Variants in ARK2C observed in about 807,000 individuals in gnomAD.
ARK2C encodes the protein arkadia (RNF111) C-terminal like ring finger ubiquitin ligase 2C.
the ARK2C span, among the ~76,000 whole-genome samples, chr18:46,356,608 AAC>A: frequency 7.2e-4 from 110 of 152,248 alleles, no homozygotes; most frequent in East Asian, 1.2e-3. Flanking sequence ...ACTCACTCTG[AAC>A]ACACAGAAGG....
the ARK2C span, among the ~76,000 whole-genome samples, chr18:46,363,458 C>A: frequency 6.6e-6 from 1 of 152,240 alleles, no homozygotes; most frequent in East Asian, 1.9e-4. Flanking sequence ...GAGACAGTGC[C>A]CGTTCCTGGC....
chr18:46,460,246 C>G, the ARK2C span: 7 of 152,712 alleles, frequency 4.6e-5, no homozygotes, highest in Admixed American at 4.6e-4. Flanking sequence ...CTAAGCCCCC[C>G]GCCTGTAGGC....
chr18:46,384,735 G>A, the ARK2C span, among the ~76,000 whole-genome samples: 6,252 of 152,242 alleles, frequency 0.041, 418 homozygotes, highest in African/African-American at 0.14. Context: ...GGCCCATCAT[G>A]GCCAAGCACA....
At chr18:46,415,355 C>T in the ARK2C span, among the ~76,000 whole-genome samples, 1 of 152,040 alleles carries the variant, frequency 6.6e-6, no homozygotes, top group Non-Finnish European at 1.5e-5. Flanking sequence ...CCCATCTCTA[C>T]TAAAAATACA....
At chr18:46,422,136 G>GCA in the ARK2C span, among the ~76,000 whole-genome samples, 1 of 152,190 alleles carries the variant, frequency 6.6e-6, no homozygotes, top group African/African-American at 2.4e-5. Context: ...TTGAAGCTGG[G>GCA]TTCTGGGCAG....
the ARK2C span, among the ~76,000 whole-genome samples, chr18:46,355,139 G>T: frequency 2.0e-5 from 3 of 151,874 alleles, no homozygotes; most frequent in African/African-American, 7.3e-5. Context: ...TTTTAGTAGA[G>T]ACAGGGTTTC....
chr18:46,376,952 G>A, the ARK2C span, among the ~76,000 whole-genome samples: 2 of 152,186 alleles, frequency 1.3e-5, no homozygotes, highest in South Asian at 2.1e-4. Context: ...ACAGGCGTAA[G>A]CCACAGGGCC....
the ARK2C span, among the ~76,000 whole-genome samples, chr18:46,382,216 C>T: frequency 6.6e-6 from 1 of 152,214 alleles, no homozygotes; most frequent in African/African-American, 2.4e-5. Context: ...TCATCTTCCC[C>T]TCCTGCTGAG....
At chr18:46,373,877 C>T in the ARK2C span, among the ~76,000 whole-genome samples, 2 of 152,208 alleles carry the variant, frequency 1.3e-5, no homozygotes, top group African/African-American at 4.8e-5. Flanking sequence ...CCCCCGGTCC[C>T]AGACCCTGTG....
the ARK2C span, among the ~76,000 whole-genome samples, chr18:46,392,670 C>T: frequency 6.6e-6 from 1 of 152,128 alleles, no homozygotes; most frequent in Non-Finnish European, 1.5e-5. Flanking sequence ...GGGCCAGCCT[C>T]GGGCTGAGGG....
the ARK2C span, among the ~76,000 whole-genome samples, chr18:46,346,984 G>A: frequency 6.6e-6 from 1 of 152,214 alleles, no homozygotes; most frequent in Non-Finnish European, 1.5e-5. Flanking sequence ...GTGGAGAATG[G>A]GCAACAAGAA....
the ARK2C span, among the ~76,000 whole-genome samples, chr18:46,350,758 T>C: frequency 1.3e-5 from 2 of 152,228 alleles, no homozygotes; most frequent in Admixed American, 6.5e-5. Context: ...CTAATGTCAC[T>C]GTTCTGCTTT....
chr18:46,358,548 C>T, the ARK2C span, among the ~76,000 whole-genome samples: 1 of 152,176 alleles, frequency 6.6e-6, no homozygotes, highest in Non-Finnish European at 1.5e-5. Flanking sequence ...TGGCCTCAGC[C>T]TCCCTCTGTG....
chr18:46,428,432 AAAAC>A, the ARK2C span, among the ~76,000 whole-genome samples: 1 of 152,146 alleles, frequency 6.6e-6, no homozygotes, highest in Non-Finnish European at 1.5e-5. Context: ...AACAAAAACA[AAAAC>A]AAACAAACAA....
the ARK2C span, among the ~76,000 whole-genome samples, chr18:46,348,338 G>A: frequency 6.6e-6 from 1 of 152,164 alleles, no homozygotes; most frequent in Non-Finnish European, 1.5e-5. Flanking sequence ...CTAAGGCTTT[G>A]TTGGCCCTCC....
the ARK2C span, among the ~76,000 whole-genome samples, chr18:46,441,071 G>A: frequency 5.3e-5 from 8 of 152,058 alleles, no homozygotes; most frequent in Non-Finnish European, 1.2e-4. Context: ...CTGCAGCCTC[G>A]ATCTCCTGGG....
chr18:46,360,899 A>G, the ARK2C span, among the ~76,000 whole-genome samples: 1 of 152,262 alleles, frequency 6.6e-6, no homozygotes, highest in Non-Finnish European at 1.5e-5. Context: ...GCTTTGGCCC[A>G]GAGGCCAGGC....
At chr18:46,409,846 C>T in the ARK2C span, among the ~76,000 whole-genome samples, 55 of 152,210 alleles carry the variant, frequency 3.6e-4, no homozygotes, top group Non-Finnish European at 4.7e-4. Flanking sequence ...AATGCATGTT[C>T]TCCTATTGAT....
chr18:46,337,539 A>G, the ARK2C span: 1 of 985,242 alleles, frequency 1.0e-6, no homozygotes, highest in Non-Finnish European at 1.2e-6. Flanking sequence ...CTTCCGAAGC[A>G]TGGTGGGCCC....
Sources: allele counts gnomAD v4.1 joint callset (sites outside exome capture counted in the v4.1 genomes callset), GRCh38; gene constraint gnomAD v4.1.1; transcripts MANE v1.5; gene names NCBI Gene and HGNC (gene_info 2026-07-23, HGNC 2026-07-21).